LRRC4C: variants seen among roughly 807,000 people sequenced by gnomAD.
The protein encoded by LRRC4C is leucine-rich repeat-containing protein 4C.
A neutral mutation model predicts 33.6 loss-of-function variants in LRRC4C; 5 were observed. The ratio of observed to expected loss-of-function variants is 0.15; its 90% CI spans 0.08 to 0.31. The LOEUF (loss-of-function observed/expected upper bound fraction) is 0.31, where lower values mean the gene tolerates loss of function less well. Ranked by LOEUF, LRRC4C falls within the 10% of genes least tolerant of loss-of-function variation. LRRC4C has a pLI of 1.00. For missense variants in LRRC4C, 560 were observed against 796.7 expected, an observed-to-expected ratio of 0.70 and a Z score of 3.58; for synonymous variants, 329 against 302.0, an observed-to-expected ratio of 1.09 and a Z score of -0.93.
intron 3 of LRRC4C, among the ~76,000 whole-genome samples, chr11:40,606,087 A>T (rs1244664252): frequency 6.6e-6 from 1 of 152,146 alleles, no homozygotes; most frequent in Non-Finnish European, 1.5e-5. Context: ...CATGGGGGTA[A>T]GAGAAGAGTA....
chr11:41,447,037 C>T (rs1955847198), intron 1 of LRRC4C, among the ~76,000 whole-genome samples: 2 of 152,152 alleles, frequency 1.3e-5, no homozygotes, highest in Non-Finnish European at 2.9e-5. Context: ...CAGAGTAGGC[C>T]ATCGTTTTAA....
chr11:40,901,335 C>T (rs1356935733), intron 2 of LRRC4C, among the ~76,000 whole-genome samples: 2 of 151,948 alleles, frequency 1.3e-5, no homozygotes, highest in Non-Finnish European at 2.9e-5. Context: ...ACTCCAAGGG[C>T]TAACAGTGAA....
intron 1 of LRRC4C, among the ~76,000 whole-genome samples, chr11:41,301,364 A>C (rs1950282623): frequency 6.6e-6 from 1 of 152,210 alleles, no homozygotes; most frequent in Non-Finnish European, 1.5e-5. Context: ...TTTTGATGTT[A>C]GTGAGTTGCT....
intron 3 of LRRC4C, among the ~76,000 whole-genome samples, chr11:40,338,844 C>T (rs1202682537): frequency 2.0e-5 from 3 of 152,100 alleles, no homozygotes; most frequent in South Asian, 2.1e-4. Context: ...TGTTTCTGGC[C>T]ACTAGACTAT....
chr11:40,821,339 A>G (rs1185106492), intron 2 of LRRC4C, among the ~76,000 whole-genome samples: 1 of 151,718 alleles, frequency 6.6e-6, no homozygotes, highest in Non-Finnish European at 1.5e-5. Flanking sequence ...AACAAGACAA[A>G]CAATTTTGAA....
At chr11:40,636,363 T>G (rs1941751997) in intron 3 of LRRC4C, among the ~76,000 whole-genome samples, 1 of 152,122 alleles carries the variant, frequency 6.6e-6, no homozygotes, top group African/African-American at 2.4e-5. Context: ...GTGAGAGAAC[T>G]AAACCTCTTT....
intron 3 of LRRC4C, among the ~76,000 whole-genome samples, chr11:40,469,537 T>C (rs972466370): frequency 1.3e-5 from 2 of 151,986 alleles, no homozygotes; most frequent in African/African-American, 4.8e-5. Flanking sequence ...ACAGAACTGT[T>C]CACTCCCCTG....
chr11:40,559,074 A>C (rs1957442598), intron 3 of LRRC4C, among the ~76,000 whole-genome samples: 1 of 151,802 alleles, frequency 6.6e-6, no homozygotes. Context: ...TCCATGGTTT[A>C]TATGTACCAC....
chr11:41,176,690 G>T (rs941955511), intron 1 of LRRC4C, among the ~76,000 whole-genome samples: 1 of 152,062 alleles, frequency 6.6e-6, no homozygotes, highest in Non-Finnish European at 1.5e-5. Context: ...TAGGGTCTAG[G>T]AGTAGGAATG....
intron 1 of LRRC4C, among the ~76,000 whole-genome samples, chr11:40,975,180 G>A (rs984863393): frequency 1.3e-5 from 2 of 152,150 alleles, no homozygotes; most frequent in African/African-American, 4.8e-5. Flanking sequence ...CAAGGAGATA[G>A]CATTATTTTC....
intron 1 of LRRC4C, among the ~76,000 whole-genome samples, chr11:40,978,624 GT>G (rs80021460): frequency 0.019 from 2,590 of 138,184 alleles, 34 homozygotes; most frequent in Middle Eastern, 0.029. Flanking sequence ...TCTTTTTACT[GT>G]TTTTTTTTTT....
chr11:40,794,940 TC>T (rs1950766568), intron 2 of LRRC4C, among the ~76,000 whole-genome samples: 2 of 152,166 alleles, frequency 1.3e-5, no homozygotes, highest in Admixed American at 1.3e-4. Flanking sequence ...ATTAATTTTC[TC>T]CTAAAATGGC....
At chr11:40,615,728 A>G (rs1280367746) in intron 3 of LRRC4C, among the ~76,000 whole-genome samples, 1 of 151,700 alleles carries the variant, frequency 6.6e-6, no homozygotes, top group Non-Finnish European at 1.5e-5. Context: ...GTGCAAGTAA[A>G]CACCGGCTAT....
At chr11:40,990,578 T>A (rs568047837) in intron 1 of LRRC4C, among the ~76,000 whole-genome samples, 4 of 152,158 alleles carry the variant, frequency 2.6e-5, no homozygotes, top group African/African-American at 9.6e-5. Context: ...CTCTTAGGGA[T>A]CCCATGAGGT....
chr11:41,206,235 T>C (rs1247068171), intron 1 of LRRC4C, among the ~76,000 whole-genome samples: 2 of 152,156 alleles, frequency 1.3e-5, no homozygotes, highest in African/African-American at 2.4e-5. Context: ...CAGGTTGGCT[T>C]TTTCTAATAC....
intron 2 of LRRC4C, among the ~76,000 whole-genome samples, chr11:40,858,443 C>T (rs1953909939): frequency 1.3e-5 from 2 of 151,796 alleles, no homozygotes; most frequent in African/African-American, 4.8e-5. Context: ...GCCTATAATC[C>T]CAGCACTTTG....
intron 5 of LRRC4C, among the ~76,000 whole-genome samples, chr11:40,144,501 T>C (rs1857585643): frequency 6.6e-6 from 1 of 152,212 alleles, no homozygotes; most frequent in Non-Finnish European, 1.5e-5. Context: ...ATAATCCTCC[T>C]TGATCTTTTA....
At chr11:41,193,401 A>G (rs1946047129) in intron 1 of LRRC4C, among the ~76,000 whole-genome samples, 1 of 152,122 alleles carries the variant, frequency 6.6e-6, no homozygotes, top group Non-Finnish European at 1.5e-5. Flanking sequence ...AATTGTCAAC[A>G]CTATGGAAGA....
At chr11:40,785,103 A>G (rs983608167) in intron 2 of LRRC4C, among the ~76,000 whole-genome samples, 8 of 152,164 alleles carry the variant, frequency 5.3e-5, no homozygotes, top group African/African-American at 1.9e-4. Flanking sequence ...ACAATTTTAG[A>G]ATTATCACAC....
Sources: allele counts gnomAD v4.1 joint callset (sites outside exome capture counted in the v4.1 genomes callset), GRCh38; gene constraint gnomAD v4.1.1; transcripts MANE v1.5; gene names NCBI Gene and HGNC (gene_info 2026-07-23, HGNC 2026-07-21).